SNTB1: variants seen among roughly 807,000 people sequenced by gnomAD.
SNTB1 encodes the protein syntrophin beta 1, also known as beta-1-syntrophin.
Under a neutral mutation model 48.9 loss-of-function variants are expected in SNTB1, and 36 were observed. The ratio of observed to expected loss-of-function variants is 0.74; its 90% CI spans 0.56 to 0.97. SNTB1 has a LOEUF of 0.97. SNTB1 is among the 50% of genes least tolerant of loss of function. The pLI is 0.00. For missense variants in SNTB1, 786 were observed against 703.4 expected, an observed-to-expected ratio of 1.12 and a Z score of -1.33; for synonymous variants, 299 against 294.6, an observed-to-expected ratio of 1.01 and a Z score of -0.15.
intron 2 of SNTB1, among the ~76,000 whole-genome samples, chr8:120,653,436 G>T (rs2129723751): frequency 6.6e-6 from 1 of 152,136 alleles, no homozygotes; most frequent in African/African-American, 2.4e-5. Context: ...GGTATGAAAT[G>T]GTTTCTCCCT....
chr8:120,757,789 T>G (rs1819342527), intron 1 of SNTB1, among the ~76,000 whole-genome samples: 1 of 152,142 alleles, frequency 6.6e-6, no homozygotes, highest in Admixed American at 6.6e-5. Flanking sequence ...CTAATCAGAT[T>G]TCTCCCTACC....
intron 1 of SNTB1, among the ~76,000 whole-genome samples, chr8:120,790,172 C>G (rs2130150978): frequency 6.6e-6 from 1 of 151,912 alleles, no homozygotes; most frequent in East Asian, 1.9e-4. Flanking sequence ...AAAAAGCATT[C>G]AATAAAATCC....
intron 3 of SNTB1, among the ~76,000 whole-genome samples, chr8:120,597,556 T>C (rs1372428448): frequency 6.6e-6 from 1 of 152,178 alleles, no homozygotes; most frequent in Admixed American, 6.5e-5. Context: ...TAGTGAAAAA[T>C]GAGTATCCTT....
chr8:120,750,417 G>A lies in SNTB1; in HGVS notation c.572-56509C>T, dbSNP rs563428547. 1.1e-4 allele frequency among the ~76,000 whole-genome samples: 17 copies of A among 152,230 alleles called. No individual in the cohort carries two copies. The East Asian group carries it at 1.7e-3, about 16-fold the overall frequency. The stretch of plus-strand genomic sequence containing the variant: ...AAATTCCTTCATTGGTGATTTATTT[G>A]TTGAACTGGTTTCTCTAGGTTTCAC... On this transcript the variant is annotated intron_variant, in intron 1 of 6. Coordinates refer to ENST00000517992, the MANE Select transcript of SNTB1 (RefSeq NM_021021.4).
chr8:120,752,030 C>T (rs989341248), intron 1 of SNTB1, among the ~76,000 whole-genome samples: 13 of 152,244 alleles, frequency 8.5e-5, no homozygotes, highest in African/African-American at 3.1e-4. Flanking sequence ...TTTCTTCTTG[C>T]CCATAAACCT....
At chr8:120,778,080 C>T (rs1819766522) in intron 1 of SNTB1, among the ~76,000 whole-genome samples, 1 of 152,224 alleles carries the variant, frequency 6.6e-6, no homozygotes, top group African/African-American at 2.4e-5. Context: ...TGTGTGTGCA[C>T]AAACATGACC....
rs916066317 is a variant in SNTB1 at position 120,650,056 on chromosome 8, C to T, written c.789-17405G>A. 3.9e-5 allele frequency among the ~76,000 whole-genome samples: 6 copies of T among 152,308 alleles called. No homozygotes were observed. The East Asian group carries it at 5.8e-4, about 15-fold the overall frequency. ...CACGGTGCACGCACCCACTGACCTG[C>T]GCCCACTGTCTGGCACTCCCTAGTG... is the stretch of plus-strand genomic sequence containing the variant. On this transcript the variant is annotated intron_variant, in intron 2 of 6. Coordinates refer to ENST00000517992, the MANE Select transcript of SNTB1 (RefSeq NM_021021.4).
intron 2 of SNTB1, among the ~76,000 whole-genome samples, chr8:120,673,737 G>A (rs192540722): frequency 2.3e-5 from 1 of 42,574 alleles, no homozygotes; most frequent in Non-Finnish European, 4.3e-5. Flanking sequence ...GGATGGGGAG[G>A]GACAATGTCC....
rs561604468 is a variant in SNTB1, at chr8:120,737,668, T to C, written c.572-43760A>G. Among the ~76,000 whole-genome samples, 3 of 152,298 alleles carry C rather than the reference T, an allele frequency of 2.0e-5. No individual in the cohort carries two copies. The South Asian group carries it at 6.2e-4, about 32-fold the overall frequency. On this transcript the variant is annotated intron_variant, in intron 1 of 6. Coordinates refer to ENST00000517992, the MANE Select transcript of SNTB1 (RefSeq NM_021021.4). Reference sequence around the variant, plus strand: ...CTGAGGGCAAACCTGGGGCCAGCCATGTCAAGGTATGTCTTGGTGAAGTCT... The same window carrying C: ...CTGAGGGCAAACCTGGGGCCAGCCACGTCAAGGTATGTCTTGGTGAAGTCT...
At position 120,811,514 on chromosome 8, in the gene SNTB1, CT is replaced by C; in HGVS notation, c.329del (p.Lys110SerfsTer4). ...CCTGCTTCAGCACCTTCACGCCACG[CT>C]TCTGGTTCGAGATGGACTCGGGCAC... ...EQVPESISNQKRGVKVLKQEL... is the reference protein window; with the variant it reads ...EQVPESISNQXRGVKVLKQEL... On this transcript the variant is annotated frameshift_variant, in exon 1 of 7. Coordinates refer to ENST00000517992, the MANE Select transcript of SNTB1 (RefSeq NM_021021.4). LOFTEE classifies it high-confidence loss of function. The C allele has an allele frequency of 8.7e-6, 14 of 1,613,226 alleles. No individual in the cohort carries two copies. Among genetic ancestry groups the C allele is most frequent in the Non-Finnish European group, 1.2e-5 (14 of 1,179,604 alleles).
At chr8:120,718,385 T>C (rs1272075346) in intron 1 of SNTB1, among the ~76,000 whole-genome samples, 1 of 152,202 alleles carries the variant, frequency 6.6e-6, no homozygotes, top group Non-Finnish European at 1.5e-5. Context: ...TCAGTGCCTA[T>C]GGAACCAGGG....
chr8:120,584,354 G>C (rs1816100027), intron 3 of SNTB1, among the ~76,000 whole-genome samples: 1 of 143,732 alleles, frequency 7.0e-6, no homozygotes, highest in South Asian at 2.2e-4. Context: ...AGGCAGAGTT[G>C]CTCGAACCCA....
At chr8:120,547,345 C>CTTGGCTTG (rs1350308835) in intron 5 of SNTB1, among the ~76,000 whole-genome samples, 6 of 152,162 alleles carry the variant, frequency 3.9e-5, no homozygotes, top group African/African-American at 1.4e-4. Flanking sequence ...CCTGTAATCC[C>CTTGGCTTG]AGCACTTTGG....
In SNTB1 at chr8:120,632,466, T is replaced by C; in HGVS notation, c.974A>G (p.His325Arg). 1.2e-6 allele frequency: 2 copies of C among 1,614,124 alleles called. No individual in the cohort carries two copies. The highest frequency in any genetic ancestry group is 1.7e-6 in the Non-Finnish European group (2 of 1,180,012). ...TGIAGSREIR[H>R]LGWLAEKVPG... Reference sequence around the variant, plus strand: ...TACCTTTTCTGCAAGCCAGCCAAGATGCCTAATCTCTCGGCTCCCAGCAAT... The same window carrying C: ...TACCTTTTCTGCAAGCCAGCCAAGACGCCTAATCTCTCGGCTCCCAGCAAT... Residue 325 changes from histidine to arginine, a missense_variant, in exon 3 of 7, where the codon CAT (histidine) becomes CGT (arginine). Transcript: ENST00000517992.
At chr8:120,803,149 T>C (rs80170769) in intron 1 of SNTB1, among the ~76,000 whole-genome samples, 1,560 of 152,234 alleles carry the variant, frequency 0.01, 30 homozygotes, top group African/African-American at 0.036. Flanking sequence ...CTCACCAACA[T>C]GCAAAGAATG....
chr8:120,546,282 A>G (rs1815379358), intron 5 of SNTB1, among the ~76,000 whole-genome samples: 1 of 152,192 alleles, frequency 6.6e-6, no homozygotes, highest in Non-Finnish European at 1.5e-5. Flanking sequence ...AGAACCAGAA[A>G]GAATTTGTCT....
chr8:120,756,845 T>A (rs1338112569), intron 1 of SNTB1, among the ~76,000 whole-genome samples: 2 of 152,142 alleles, frequency 1.3e-5, no homozygotes, highest in Non-Finnish European at 2.9e-5. Flanking sequence ...GGGATTGACA[T>A]CTGAGGCTTG....
chr8:120,593,313 C>A (rs1816273515), intron 3 of SNTB1, among the ~76,000 whole-genome samples: 1 of 152,206 alleles, frequency 6.6e-6, no homozygotes, highest in Admixed American at 6.5e-5. Context: ...AAAAGCCATC[C>A]AGTGGCAGCC....
At chr8:120,655,735 A>G (rs576779713) in intron 2 of SNTB1, among the ~76,000 whole-genome samples, 4 of 152,198 alleles carry the variant, frequency 2.6e-5, no homozygotes, top group Non-Finnish European at 4.4e-5. Context: ...TTACATGTTG[A>G]GCTTCCCAAA....
Sources: gnomAD v4.1 joint callset for allele counts (sites outside exome capture counted in the v4.1 genomes callset) on GRCh38, gnomAD v4.1.1 for gene constraint, MANE v1.5 for transcripts, NCBI Gene and HGNC (gene_info 2026-07-23, HGNC 2026-07-21) for gene names.